TRHDE: variants seen among roughly 807,000 people sequenced by gnomAD.
TRHDE encodes the protein thyrotropin releasing hormone degrading enzyme, also known as thyrotropin-releasing hormone-degrading ectoenzyme.
TRHDE carries 72 observed loss-of-function variants against 125.7 expected under a neutral mutation model. That is an observed-to-expected ratio of 0.57 (90% CI 0.47 to 0.70). The LOEUF (loss-of-function observed/expected upper bound fraction) is 0.70. Ranked by LOEUF, TRHDE falls within the 30% of genes least tolerant of loss-of-function variation. TRHDE has a pLI of 0.00. For missense variants in TRHDE, 1,110 were observed against 1,327.1 expected (o/e 0.84, Z 2.54); for synonymous variants, 509 against 509.1 (o/e 1.00, Z 0.00).
rs142723237 is a variant in TRHDE, at chr12:72,184,451, A to G, written n.279+78699A>G. Among the ~76,000 whole-genome samples the G allele has an allele frequency of 2.2e-4, 34 of 152,204 alleles. No homozygotes were observed. In the East Asian group the frequency reaches 5.2e-3, roughly 23 times the overall value. Reference sequence around the variant, plus strand: ...ACTGCAGAGGTTTCTGATGTTTTTTAATGGGGCATCTTGAGGGTCTCAAAA... The same window carrying G: ...ACTGCAGAGGTTTCTGATGTTTTTTGATGGGGCATCTTGAGGGTCTCAAAA... On this transcript the variant is annotated intron_variant and non_coding_transcript_variant, in intron 2 of 4. Coordinates refer to the TRHDE transcript ENST00000548156.
At chr12:72,641,435 C>G (rs1182263780) in intron 15 of TRHDE, among the ~76,000 whole-genome samples, 1 of 152,020 alleles carries the variant, frequency 6.6e-6, no homozygotes, top group Non-Finnish European at 1.5e-5. Flanking sequence ...ATGACCAAAC[C>G]CTGAGGCAGA....
chr12:72,153,877 T>A (rs1308836518), intron 2 of TRHDE, among the ~76,000 whole-genome samples: 1 of 152,196 alleles, frequency 6.6e-6, no homozygotes, highest in Non-Finnish European at 1.5e-5. Context: ...ATTCTGTTGA[T>A]TTGGGGTGGA....
intron 12 of TRHDE, among the ~76,000 whole-genome samples, chr12:72,618,634 T>C (rs976284192): frequency 7.2e-5 from 11 of 152,176 alleles, no homozygotes; most frequent in African/African-American, 2.7e-4. Flanking sequence ...TTATGTTCCA[T>C]AATTCCTTAC....
chr12:72,621,516 T>G, intron 14 of TRHDE, 128 bp from the exon 15 acceptor site: 1 of 702,776 alleles, frequency 1.4e-6, no homozygotes, highest in Non-Finnish European at 2.3e-6. Flanking sequence ...CTAAGTGACT[T>G]TTACTCAGCA....
rs77360800 is a variant in TRHDE, at chr12:72,506,617, G to T, written c.1722+6982G>T. Among the ~76,000 whole-genome samples the T allele has an allele frequency of 7.9e-3, 1,210 of 152,202 alleles. 26 individuals carry two copies. Among genetic ancestry groups the T allele is most frequent in the South Asian group, 0.022 (104 of 4,824 alleles). ...TTAGCAAATAAACATTTCAGGATTT[G>T]ATGTCAGATATATCTAAATTTGAAT... On this transcript the variant is annotated intron_variant, in intron 6 of 18. Coordinates refer to ENST00000261180, the MANE Select transcript of TRHDE (RefSeq NM_013381.3).
intron 2 of TRHDE, among the ~76,000 whole-genome samples, chr12:72,198,901 G>A (rs533330562): frequency 6.6e-6 from 1 of 152,098 alleles, no homozygotes; most frequent in African/African-American, 2.4e-5. Context: ...AAGGTGAAGG[G>A]GGAGCAGGCA....
At chr12:72,474,375 G>T (rs1384652937) in intron 5 of TRHDE, among the ~76,000 whole-genome samples, 1 of 151,988 alleles carries the variant, frequency 6.6e-6, no homozygotes, top group Admixed American at 6.6e-5. Context: ...AGATCTCTAG[G>T]ACTTATTCAT....
chr12:72,394,282 G>T (rs944317382), intron 3 of TRHDE, among the ~76,000 whole-genome samples: 5 of 152,058 alleles, frequency 3.3e-5, no homozygotes, highest in African/African-American at 9.7e-5. Context: ...CTTACAACAG[G>T]ATTTAAAGGA....
intron 2 of TRHDE, among the ~76,000 whole-genome samples, chr12:72,229,230 A>G (rs1262681503): frequency 6.6e-6 from 1 of 152,212 alleles, no homozygotes; most frequent in Non-Finnish European, 1.5e-5. Flanking sequence ...TCACAGTTTC[A>G]TACGGGTGGG....
chr12:72,592,851 C>T (rs1204376633), intron 12 of TRHDE, among the ~76,000 whole-genome samples: 1 of 151,938 alleles, frequency 6.6e-6, no homozygotes, highest in Non-Finnish European at 1.5e-5. Context: ...GCTGGGATTA[C>T]AGACACCTGC....
chr12:72,458,765 C>T (rs995015666), intron 3 of TRHDE, among the ~76,000 whole-genome samples: 3 of 152,130 alleles, frequency 2.0e-5, no homozygotes, highest in African/African-American at 7.2e-5. Flanking sequence ...ACCTCCTTAA[C>T]CTGAAATACA....
chr12:72,187,043 A>G lies in TRHDE; in HGVS notation n.279+81291A>G, dbSNP rs187263971. On this transcript the variant is annotated intron_variant and non_coding_transcript_variant, in intron 2 of 4. Coordinates refer to the TRHDE transcript ENST00000548156. ...GAACTGTACTCTTACCAATATTTAT[A>G]TCATCATGTACTAAGTAGTACACTA... Among the ~76,000 whole-genome samples, 294 of 152,272 alleles carry G rather than the reference A, an allele frequency of 1.9e-3. 1 individual carries two copies. Among genetic ancestry groups the G allele is most frequent in the African/African-American group, 6.6e-3 (274 of 41,548 alleles).
At chr12:72,304,266 A>C (rs1332168454) in intron 2 of TRHDE, among the ~76,000 whole-genome samples, 4 of 152,168 alleles carry the variant, frequency 2.6e-5, no homozygotes, top group Non-Finnish European at 5.9e-5. Context: ...TGATTTTATT[A>C]GAATTATATT....
chr12:72,089,285 C>T (rs1345280343), intron 1 of TRHDE, among the ~76,000 whole-genome samples: 1 of 152,150 alleles, frequency 6.6e-6, no homozygotes, highest in Non-Finnish European at 1.5e-5. Context: ...TCTCAGCAAG[C>T]TTGAGCCTGC....
intron 17 of TRHDE, among the ~76,000 whole-genome samples, chr12:72,653,545 T>C (rs910197727): frequency 1.3e-4 from 20 of 152,214 alleles, no homozygotes; most frequent in Non-Finnish European, 2.2e-4. Flanking sequence ...TCCGTATAAT[T>C]GTTTTAAATT....
intron 1 of TRHDE, among the ~76,000 whole-genome samples, chr12:72,098,114 C>A (rs1874978765): frequency 6.6e-6 from 1 of 152,066 alleles, no homozygotes; most frequent in South Asian, 2.1e-4. Flanking sequence ...AACTCCTGAG[C>A]TCAAGCTATC....
chr12:72,377,961 G>A, intron 2 of TRHDE, 34 bp from the exon 3 acceptor site: 2 of 1,483,468 alleles, frequency 1.3e-6, no homozygotes, highest in Non-Finnish European at 1.8e-6. Flanking sequence ...AGTGCTAAAA[G>A]GCTAAAGTAA....
chr12:72,342,133 G>A (rs1313359759), intron 2 of TRHDE, among the ~76,000 whole-genome samples: 1 of 151,906 alleles, frequency 6.6e-6, no homozygotes, highest in Non-Finnish European at 1.5e-5. Context: ...GCCCATATTT[G>A]TTACTTCTCT....
At chr12:72,411,466 A>G (rs188734300) in intron 3 of TRHDE, among the ~76,000 whole-genome samples, 10 of 152,176 alleles carry the variant, frequency 6.6e-5, no homozygotes, top group Non-Finnish European at 2.9e-5. Flanking sequence ...TGGAAAAAAT[A>G]TAAAAATTTA....
Sources: allele counts gnomAD v4.1 joint callset (sites outside exome capture counted in the v4.1 genomes callset), GRCh38; gene constraint gnomAD v4.1.1; transcripts MANE v1.5; gene names NCBI Gene and HGNC (gene_info 2026-07-23, HGNC 2026-07-21).